The following BEGAIN variants were observed in gnomAD, a reference collection of about 807,000 sequenced individuals.
The protein encoded by BEGAIN is brain-enriched guanylate kinase-associated protein.
In BEGAIN, 19 loss-of-function variants were observed where a neutral mutation model predicts 35.8. The ratio of observed to expected loss-of-function variants is 0.53; its 90% confidence interval spans 0.37 to 0.78. BEGAIN has a LOEUF of 0.78. Among genes scored for constraint, BEGAIN ranks in the 30% least tolerant of loss-of-function variants. The pLI is 0.00. For missense variants in BEGAIN, 795 were observed against 853.6 expected, an observed-to-expected ratio of 0.93 and a Z score of 0.85; for synonymous variants, 462 against 388.6, an observed-to-expected ratio of 1.19 and a Z score of -2.22.
intron 2 of BEGAIN, among the ~76,000 whole-genome samples, chr14:100,557,360 C>G (rs1369005277): frequency 1.3e-5 from 2 of 152,258 alleles, no homozygotes; most frequent in Non-Finnish European, 2.9e-5. Flanking sequence ...TGAGAGATGA[C>G]CGCCATGGCG....
At chr14:100,554,737 G>A (rs567819115) in intron 2 of BEGAIN, among the ~76,000 whole-genome samples, 8 of 152,152 alleles carry the variant, frequency 5.3e-5, no homozygotes, top group African/African-American at 1.7e-4. Context: ...CCCCCCAGAT[G>A]GCTCATTTCT....
chr14:100,556,255 C>T (rs2033713667), intron 2 of BEGAIN, among the ~76,000 whole-genome samples: 1 of 152,152 alleles, frequency 6.6e-6, no homozygotes, highest in Admixed American at 6.5e-5. Context: ...CGCCACTGCT[C>T]CCTCCTGCCT....
At position 100,540,322 on chromosome 14, in the gene BEGAIN, C is replaced by A. The variant is rs1315912912; in HGVS notation, c.492+174G>T. On this transcript the variant is annotated intron_variant, in intron 6 of 6. Transcript: ENST00000554140. ...CTGCCCGGCTGCGTGAGGTGGGGTG[C>A]CTTTGGCGGCCCCTCCAATGTCATG... 8.2e-6 allele frequency: 5 copies of A among 606,576 alleles called. No individual in the cohort carries two copies. The East Asian group carries it at 1.4e-4, about 17-fold the overall frequency. The allele number at this position is 606,576 out of a possible 1,614,324, so 37.6% of individuals were successfully genotyped here. A position where few individuals can be genotyped will look rare whatever the true frequency, so the allele number is the denominator to read the frequency against.
Position 100,567,635 on chromosome 14 carries a change from C to A in BEGAIN, c.71+276G>T, listed in dbSNP as rs537836455. On this transcript the variant is annotated intron_variant, in intron 2 of 6. Transcript: ENST00000554140. The surrounding 1 kb of genome is among the most constrained non-coding windows in gnomAD (Gnocchi z 5.1). ...GCGCTGAGGACCGCACAGGACCAGG[C>A]GGCCCCGGGTAGGGGGCAGCCCGGC... 6.6e-6 allele frequency among the ~76,000 whole-genome samples: 1 copy of A among 151,724 alleles called. No homozygotes were observed. Among genetic ancestry groups the A allele is most frequent in the Non-Finnish European group, 1.5e-5 (1 of 67,792 alleles).
Position 100,563,356 on chromosome 14 carries a change from A to G in BEGAIN, c.71+4555T>C, listed in dbSNP as rs1014416648. Among the ~76,000 whole-genome samples the G allele has an allele frequency of 1.3e-5, 2 of 152,258 alleles. No individual in the cohort carries two copies. Among genetic ancestry groups the G allele is most frequent in the Non-Finnish European group, 2.9e-5 (2 of 68,048 alleles). On this transcript the variant is annotated intron_variant, in intron 2 of 6. Transcript: ENST00000554140. The surrounding 1 kb of genome is among the most constrained non-coding windows in gnomAD (Gnocchi z 4.2). ...TTCAGGAGGGTTCCTTAAACAAGAC[A>G]CAAACGCTTTAATCAGAAAGTGAAA...
intron 2 of BEGAIN, among the ~76,000 whole-genome samples, chr14:100,560,144 C>T (rs1208258384): frequency 6.6e-6 from 1 of 152,204 alleles, no homozygotes; most frequent in African/African-American, 2.4e-5. Flanking sequence ...TGCCACAGGC[C>T]ACTGGGGCCA....
At chr14:100,542,983 G>C (rs2031853206) in intron 5 of BEGAIN, among the ~76,000 whole-genome samples, 1 of 152,156 alleles carries the variant, frequency 6.6e-6, no homozygotes, top group Non-Finnish European at 1.5e-5. Context: ...TCAGACCCTG[G>C]CTCCCCCTCC....
intron 2 of BEGAIN, among the ~76,000 whole-genome samples, chr14:100,554,633 C>T (rs2033525670): frequency 6.6e-6 from 1 of 152,086 alleles, no homozygotes; most frequent in African/African-American, 2.4e-5. Context: ...ATTGCTGCCC[C>T]TCACTCCCCA....
intron 1 of BEGAIN, among the ~76,000 whole-genome samples, chr14:100,569,255 G>T (rs1194049039): frequency 1.3e-5 from 2 of 152,164 alleles, no homozygotes; most frequent in African/African-American, 4.8e-5. Flanking sequence ...CAGGGGAAGG[G>T]ATCCCTAAGG....
At chr14:100,576,251 C>T (rs765119903) in intron 1 of BEGAIN, among the ~76,000 whole-genome samples, 2 of 152,136 alleles carry the variant, frequency 1.3e-5, no homozygotes, top group African/African-American at 4.8e-5. Context: ...CCTGGCCATC[C>T]CTGGACAGAG....
At chr14:100,551,128 A>T (rs1010660529) in intron 2 of BEGAIN, among the ~76,000 whole-genome samples, 3 of 152,038 alleles carry the variant, frequency 2.0e-5, no homozygotes, top group Non-Finnish European at 4.4e-5. Context: ...GATGTTAGGG[A>T]TCCGGGGTCC....
At chr14:100,576,846 G>A (rs997244172) in intron 1 of BEGAIN, among the ~76,000 whole-genome samples, 13 of 152,198 alleles carry the variant, frequency 8.5e-5, no homozygotes, top group Admixed American at 5.9e-4. Context: ...GACGGGGTAC[G>A]AGGAAAGAGC....
rs1178295137 is a variant in BEGAIN at position 100,586,846 on chromosome 14, C to T, written c.42+403G>A. On this transcript the variant is annotated intron_variant, in intron 1 of 6. Transcript: ENST00000554140. This position sits in a 1 kb window ranked among gnomAD's most constrained non-coding sequence, Gnocchi z 4.9. ...AGCAGGGGCTGGCCCTGCCCCCAGA[C>T]GCAGGCGGGTCCAGGCCTGCCCGCA... Among the ~76,000 whole-genome samples the T allele has an allele frequency of 6.6e-6, 1 of 152,146 alleles. No individual in the cohort carries two copies. Among genetic ancestry groups the T allele is most frequent in the Non-Finnish European group, 1.5e-5 (1 of 68,010 alleles).
intron 2 of BEGAIN, among the ~76,000 whole-genome samples, chr14:100,566,015 C>T (rs968615157): frequency 2.6e-5 from 4 of 152,344 alleles, no homozygotes; most frequent in African/African-American, 9.6e-5. Flanking sequence ...GGGGCAGCCC[C>T]GACACTGGCC....
At chr14:100,562,350 C>A (rs922704989) in intron 2 of BEGAIN, among the ~76,000 whole-genome samples, 3 of 152,084 alleles carry the variant, frequency 2.0e-5, no homozygotes, top group African/African-American at 7.2e-5. Flanking sequence ...CCCAGAGAAC[C>A]CAACCTGGAT....
intron 1 of BEGAIN, among the ~76,000 whole-genome samples, chr14:100,570,590 C>G (rs1372774826): frequency 2.6e-5 from 4 of 152,230 alleles, no homozygotes; most frequent in African/African-American, 9.6e-5. Context: ...CCTGGACCAG[C>G]CCAGCACCTG....
chr14:100,580,516 T>A (rs186180184), intron 1 of BEGAIN, among the ~76,000 whole-genome samples: 1 of 152,162 alleles, frequency 6.6e-6, no homozygotes, highest in East Asian at 1.9e-4. Flanking sequence ...CCTTTGCACT[T>A]GCTTTCCCTC....
At position 100,568,374 on chromosome 14, in the gene BEGAIN, T is replaced by A; in HGVS notation, c.43-435A>T. The A allele has an allele frequency of 8.7e-7, 1 of 1,151,734 alleles. No homozygotes were observed. Among genetic ancestry groups the A allele is most frequent in the Non-Finnish European group, 1.1e-6 (1 of 882,842 alleles). The allele number at this position is 1,151,734 out of a possible 1,614,324, so 71.3% of individuals were successfully genotyped here. A position where few individuals can be genotyped will look rare whatever the true frequency, so the allele number is the denominator to read the frequency against. The stretch of plus-strand genomic sequence containing the variant: ...TCCCGGAGGAAGCCGAACCCCGGAA[T>A]CGCAGAACCTCCGAGTCGGAGAATG... On this transcript the variant is annotated intron_variant, in intron 1 of 6. Transcript: ENST00000554140. This position sits in a 1 kb window ranked among gnomAD's most constrained non-coding sequence, Gnocchi z 7.5.
Position 100,560,907 on chromosome 14 carries a change from G to A in BEGAIN, c.71+7004C>T, listed in dbSNP as rs377030307. Reference sequence around the variant, plus strand: ...CAGAGCCTCGGTGGGTCCATCAGGGGATGGAGCATGAGGCCTCTCTCAGGT... The same window carrying A: ...CAGAGCCTCGGTGGGTCCATCAGGGAATGGAGCATGAGGCCTCTCTCAGGT... On this transcript the variant is annotated intron_variant, in intron 2 of 6. Coordinates refer to ENST00000554140, the MANE Select transcript of BEGAIN (RefSeq NM_001385089.1). Among the ~76,000 whole-genome samples, 96 of 152,326 alleles carry A rather than the reference G, an allele frequency of 6.3e-4. 1 individual carries two copies. Among genetic ancestry groups the A allele is most frequent in the African/African-American group, 2.2e-3 (93 of 41,574 alleles).
Sources: allele counts gnomAD v4.1 joint callset (sites outside exome capture counted in the v4.1 genomes callset), GRCh38; gene constraint gnomAD v4.1.1; non-coding constraint Gnocchi (gnomAD v3.1); transcripts MANE v1.5; gene names NCBI Gene and HGNC (gene_info 2026-07-23, HGNC 2026-07-21).